Variants in GRIN2A observed in about 807,000 individuals in gnomAD.
The protein encoded by GRIN2A is glutamate receptor ionotropic, NMDA 2A.
GRIN2A carries 22 observed loss-of-function variants against 113.4 expected under a neutral mutation model. The ratio of observed to expected loss-of-function variants is 0.19; its 90% CI spans 0.14 to 0.28. The LOEUF (loss-of-function observed/expected upper bound fraction) is 0.28, where lower values mean the gene tolerates loss of function less well. Among genes scored for constraint, GRIN2A ranks in the 10% least tolerant of loss-of-function variants. The pLI, the probability that GRIN2A is intolerant of heterozygous loss-of-function variation, is 1.00. For synonymous variants in GRIN2A, 827 were observed against 738.4 expected (o/e 1.12, Z -1.94); for missense variants, 1,502 against 1,887.0 (o/e 0.80, Z 3.78).
chr16:9,832,796 C>T (rs907389817), intron 8 of GRIN2A, among the ~76,000 whole-genome samples: 4 of 152,114 alleles, frequency 2.6e-5, no homozygotes, highest in African/African-American at 4.8e-5. Flanking sequence ...TGCAATCTCC[C>T]ATTAAACACA....
At chr16:9,770,479 T>G (rs770640167) in intron 11 of GRIN2A, among the ~76,000 whole-genome samples, 8 of 152,228 alleles carry the variant, frequency 5.3e-5, no homozygotes, top group Non-Finnish European at 1.0e-4. Flanking sequence ...TGACAATTAT[T>G]TTTCCTTGAC....
intron 2 of GRIN2A, among the ~76,000 whole-genome samples, chr16:10,178,774 T>C (rs2050201378): frequency 6.6e-6 from 1 of 152,222 alleles, no homozygotes; most frequent in Non-Finnish European, 1.5e-5. Flanking sequence ...CAAAAGCTGA[T>C]GTGATGAATA....
chr16:9,991,506 G>T (rs1379375023), intron 2 of GRIN2A, among the ~76,000 whole-genome samples: 1 of 152,180 alleles, frequency 6.6e-6, no homozygotes, highest in Non-Finnish European at 1.5e-5. Flanking sequence ...TCACTCAAAA[G>T]TGTCTATTGT....
At chr16:10,135,430 C>T (rs1466093124) in intron 2 of GRIN2A, among the ~76,000 whole-genome samples, 2 of 152,202 alleles carry the variant, frequency 1.3e-5, no homozygotes, top group African/African-American at 2.4e-5. Context: ...CGTATTTCCA[C>T]TCACAGTCTG....
Position 9,763,329 on chromosome 16 carries a change from C to A in GRIN2A, c.4215G>T (p.Leu1405Phe), listed in dbSNP as rs1417994203. Reference sequence around the variant, plus strand: ...TGGAACAGTACGATGCCGTTGACCTCAAGGACGACCGAAGATAGCTGTCAT... The same window carrying A: ...TGGAACAGTACGATGCCGTTGACCTAAAGGACGACCGAAGATAGCTGTCAT... ...AVNDSYLRSS[L>F]RSTASYCSRD... Residue 1405 changes from leucine (L) to phenylalanine (F), a missense_variant, in exon 13 of 13, where the codon TTG becomes TTT. Around this residue, in one of 7 missense-constraint regions of GRIN2A, gnomAD observed 832 missense variants for 789.7 expected, o/e 1.05. Coordinates refer to ENST00000330684, the MANE Select transcript of GRIN2A (RefSeq NM_001134407.3). 6.2e-7 allele frequency: 1 copy of A among 1,614,182 alleles called. No homozygotes were observed. The highest frequency in any genetic ancestry group is 1.1e-5 in the South Asian group (1 of 91,082).
At chr16:9,969,660 C>T (rs992350089) in intron 2 of GRIN2A, among the ~76,000 whole-genome samples, 5 of 152,164 alleles carry the variant, frequency 3.3e-5, no homozygotes, top group Admixed American at 6.5e-5. Flanking sequence ...ACCAGTGGTT[C>T]TCAACATGCA....
At chr16:9,931,100 C>A (rs35056140) in intron 3 of GRIN2A, among the ~76,000 whole-genome samples, 23,386 of 151,856 alleles carry the variant, frequency 0.15, 2,092 homozygotes, top group Middle Eastern at 0.22. Context: ...TTTTTTGCCC[C>A]CTCATTTGTG....
At chr16:10,043,852 T>C (rs1017382626) in intron 2 of GRIN2A, among the ~76,000 whole-genome samples, 1 of 151,772 alleles carries the variant, frequency 6.6e-6, no homozygotes, top group Non-Finnish European at 1.5e-5. Context: ...GCTTGATCAA[T>C]GGAAGGGGGC....
intron 2 of GRIN2A, among the ~76,000 whole-genome samples, chr16:10,010,387 G>A (rs543868503): frequency 3.2e-4 from 48 of 152,252 alleles, no homozygotes; most frequent in African/African-American, 1.1e-3. Context: ...ATACCTGGGC[G>A]CTGAAATAAT....
intron 4 of GRIN2A, among the ~76,000 whole-genome samples, chr16:9,878,645 A>G (rs2043418044): frequency 6.6e-6 from 1 of 152,202 alleles, no homozygotes; most frequent in East Asian, 1.9e-4. Flanking sequence ...CTTTATCATT[A>G]GTATCCCTAT....
chr16:10,045,248 C>G (rs745686712), intron 2 of GRIN2A, among the ~76,000 whole-genome samples: 1 of 152,148 alleles, frequency 6.6e-6, no homozygotes. Flanking sequence ...TCAAAACTGC[C>G]AAGCACTATT....
At chr16:9,830,196 T>A (rs1018166492) in intron 8 of GRIN2A, among the ~76,000 whole-genome samples, 9 of 152,306 alleles carry the variant, frequency 5.9e-5, no homozygotes, top group Non-Finnish European at 1.0e-4. Context: ...CCTCTCCAAA[T>A]GGAGACATTA....
chr16:9,998,509 C>T (rs1047992750), intron 2 of GRIN2A, among the ~76,000 whole-genome samples: 1 of 152,206 alleles, frequency 6.6e-6, no homozygotes. Context: ...CTTAATGTCA[C>T]TGAATTGTAC....
intron 2 of GRIN2A, among the ~76,000 whole-genome samples, chr16:10,096,527 A>T (rs2048292614): frequency 1.2e-5 from 1 of 86,534 alleles, no homozygotes; most frequent in Admixed American, 1.3e-4. Context: ...AATTTTTTTT[A>T]AATTGTGGTA....
chr16:9,767,838 T>C (rs1285907250), intron 12 of GRIN2A, among the ~76,000 whole-genome samples: 1 of 152,232 alleles, frequency 6.6e-6, no homozygotes, highest in African/African-American at 2.4e-5. Flanking sequence ...GCTATTGCAT[T>C]CCACATGCTC....
intron 2 of GRIN2A, among the ~76,000 whole-genome samples, chr16:10,173,491 T>TA (rs1382836305): frequency 6.6e-6 from 1 of 152,170 alleles, no homozygotes; most frequent in Non-Finnish European, 1.5e-5. Flanking sequence ...GGCAAACACC[T>TA]ATGAAATCAG....
At chr16:9,833,109 T>G (rs11647445) in intron 8 of GRIN2A, among the ~76,000 whole-genome samples, 52,581 of 152,030 alleles carry the variant, frequency 0.35, 9,476 homozygotes, top group African/African-American at 0.39. Flanking sequence ...AACACCCATT[T>G]AGAAGGTAGT....
At chr16:9,899,468 T>TAAAAAA (rs2043874626) in intron 3 of GRIN2A, among the ~76,000 whole-genome samples, 4 of 67,370 alleles carry the variant, frequency 5.9e-5, no homozygotes, top group African/African-American at 2.8e-4. Flanking sequence ...AAAAAAAAAG[T>TAAAAAA]CAAGACAGAA....
intron 4 of GRIN2A, among the ~76,000 whole-genome samples, chr16:9,872,756 C>G (rs1260834143): frequency 6.6e-6 from 1 of 152,122 alleles, no homozygotes; most frequent in Non-Finnish European, 1.5e-5. Context: ...GATGTGGTGG[C>G]TCACGCTTTT....
Sources: allele counts gnomAD v4.1 joint callset (sites outside exome capture counted in the v4.1 genomes callset), GRCh38; gene constraint gnomAD v4.1.1; regional missense constraint gnomAD v4.1.1; transcripts MANE v1.5; gene names NCBI Gene and HGNC (gene_info 2026-07-23, HGNC 2026-07-21).